Variants in PAK2 observed in about 807,000 individuals in gnomAD.
The protein encoded by PAK2 is serine/threonine-protein kinase PAK 2.
Under a neutral mutation model 65.9 loss-of-function variants are expected in PAK2, and 21 were observed. The observed-to-expected ratio is 0.32, with a 90% confidence interval of 0.23 to 0.46. PAK2 has a LOEUF of 0.46. PAK2 is among the 20% of genes least tolerant of loss of function. The probability of loss-of-function intolerance (pLI) is 1.00; values close to 1 mark genes in which losing one functional copy is unlikely to be tolerated. For missense variants in PAK2, 324 were observed against 642.6 expected (o/e 0.50, Z 5.36); for synonymous variants, 204 against 219.7 (o/e 0.93, Z 0.63).
intron 1 of PAK2, among the ~76,000 whole-genome samples, chr3:196,772,088 T>C (rs979897719): frequency 5.9e-5 from 9 of 152,220 alleles, no homozygotes; most frequent in African/African-American, 2.2e-4. Context: ...CATATCTGTG[T>C]TTTTCAGAGA....
rs1025686221 is a variant in PAK2 at position 196,832,536 on chromosome 3, C to T, written c.*4131C>T. On this transcript the variant is annotated 3_prime_UTR_variant, in exon 15 of 15. Coordinates refer to ENST00000327134, the MANE Select transcript of PAK2 (RefSeq NM_002577.4). ...AACTTTTATTCTTTCTTTTGATCAGCGTAAAAGAATATTTTAATGTCTTTT... is the reference window on the plus strand; with the variant it reads ...AACTTTTATTCTTTCTTTTGATCAGTGTAAAAGAATATTTTAATGTCTTTT... 9 of 151,730 alleles carry T rather than the reference C, an allele frequency of 5.9e-5. No homozygotes were observed. The highest frequency in any genetic ancestry group is 1.9e-4 in the African/African-American group (8 of 41,320). The allele number at this position is 151,730 out of a possible 1,614,324, so 9.4% of individuals were successfully genotyped here.
chr3:196,802,598 A>C (rs983244824), intron 3 of PAK2, among the ~76,000 whole-genome samples: 5 of 152,144 alleles, frequency 3.3e-5, no homozygotes, highest in African/African-American at 1.2e-4. Flanking sequence ...TAATCCCAGC[A>C]CTTTGGGAGG....
intron 1 of PAK2, among the ~76,000 whole-genome samples, chr3:196,740,659 A>G (rs1713160118): frequency 1.3e-5 from 2 of 152,234 alleles, no homozygotes; most frequent in South Asian, 2.1e-4. Context: ...TCCAGCCTGT[A>G]ACCTCTTTTC....
chr3:196,786,736 G>GT (rs1714901220), intron 2 of PAK2, among the ~76,000 whole-genome samples: 1 of 151,886 alleles, frequency 6.6e-6, no homozygotes, highest in African/African-American at 2.4e-5. Flanking sequence ...GTGAGAGTCT[G>GT]TTTCTGTGTT....
chr3:196,797,425 T>C (rs1011705313), intron 2 of PAK2, among the ~76,000 whole-genome samples: 1 of 151,992 alleles, frequency 6.6e-6, no homozygotes, highest in Non-Finnish European at 1.5e-5. Context: ...GTTGCGCCAC[T>C]GCACACCAGC....
intron 2 of PAK2, among the ~76,000 whole-genome samples, chr3:196,795,386 T>G (rs1715224690): frequency 6.6e-6 from 1 of 152,004 alleles, no homozygotes; most frequent in Admixed American, 6.6e-5. Flanking sequence ...GAGGATTGCT[T>G]GAGCCCAGAG....
intron 1 of PAK2, among the ~76,000 whole-genome samples, chr3:196,781,580 C>T (rs1224658125): frequency 6.6e-6 from 1 of 152,204 alleles, no homozygotes. Context: ...CGTCAAGCTC[C>T]TTTGTGATTA....
intron 1 of PAK2, among the ~76,000 whole-genome samples, chr3:196,749,296 G>A (rs1246777622): frequency 6.6e-6 from 1 of 152,006 alleles, no homozygotes; most frequent in Non-Finnish European, 1.5e-5. Flanking sequence ...TGATAATTCT[G>A]TGTTTCATTT....
In PAK2 at chr3:196,762,546, C is replaced by T. The variant is rs149130710; in HGVS notation, c.-21-20080C>T. ...CTCGTCTCCACCAAAACCAGTCAGG[C>T]GTGGCGGCGCATGCCTGCAATCGCA... is the stretch of plus-strand genomic sequence containing the variant. On this transcript the variant is annotated intron_variant, in intron 1 of 14. Coordinates refer to ENST00000327134, the MANE Select transcript of PAK2 (RefSeq NM_002577.4). Among the ~76,000 whole-genome samples the T allele has an allele frequency of 1.9e-3, 291 of 150,362 alleles. 3 individuals carry two copies. Among genetic ancestry groups the T allele is most frequent in the African/African-American group, 6.8e-3 (281 of 41,196 alleles).
At chr3:196,790,915 T>C (rs1164547590) in intron 2 of PAK2, among the ~76,000 whole-genome samples, 1 of 152,236 alleles carries the variant, frequency 6.6e-6, no homozygotes, top group East Asian at 1.9e-4. Flanking sequence ...ACAAGCTCTT[T>C]AGATAAACTA....
Position 196,814,580 on chromosome 3 carries a change from T to A in PAK2, c.1053+12T>A. 1 of 1,025,552 alleles carries A rather than the reference T, an allele frequency of 9.8e-7. No homozygotes were observed. Among genetic ancestry groups the A allele is most frequent in the Non-Finnish European group, 1.5e-6 (1 of 649,742 alleles). 63.5% of individuals were successfully genotyped at this position (1,025,552 alleles called of 1,614,324 possible). A position where few individuals can be genotyped will look rare whatever the true frequency, so the allele number is the denominator to read the frequency against. Reference sequence around the variant, plus strand: ...CTGTATGCAGAGAGGTAGGTTTGCCTCCTTCTTGATATGTTATGGTGATAT... The same window carrying A: ...CTGTATGCAGAGAGGTAGGTTTGCCACCTTCTTGATATGTTATGGTGATAT... On this transcript the variant is annotated intron_variant, in intron 11 of 14. Transcript: ENST00000327134.
intron 11 of PAK2, among the ~76,000 whole-genome samples, chr3:196,815,199 T>TA (rs1715969350): frequency 7.0e-6 from 1 of 143,656 alleles, no homozygotes; most frequent in African/African-American, 2.6e-5. Context: ...GAAAAAGAAA[T>TA]ACACCACTTA....
chr3:196,809,492 C>T (rs113525432), intron 7 of PAK2, among the ~76,000 whole-genome samples: 34 of 149,730 alleles, frequency 2.3e-4, no homozygotes, highest in East Asian at 6.0e-4. Flanking sequence ...TACAGGTGTG[C>T]GCCACCACAC....
chr3:196,798,432 C>G (rs1173366661), intron 2 of PAK2, among the ~76,000 whole-genome samples: 1 of 151,956 alleles, frequency 6.6e-6, no homozygotes, highest in East Asian at 1.9e-4. Context: ...CAACTGCCAC[C>G]TCCCAGGTTC....
intron 7 of PAK2, among the ~76,000 whole-genome samples, chr3:196,808,632 A>G (rs112256207): frequency 8.6e-5 from 13 of 150,646 alleles, no homozygotes; most frequent in African/African-American, 3.2e-4. Context: ...TGGGAGACCA[A>G]GGTGGGTGGA....
chr3:196,809,109 C>T (rs868094709), intron 7 of PAK2, among the ~76,000 whole-genome samples: 10 of 150,844 alleles, frequency 6.6e-5, no homozygotes, highest in African/African-American at 1.2e-4. Context: ...TTAACGAGAC[C>T]TGGTGGTGCA....
intron 13 of PAK2, among the ~76,000 whole-genome samples, chr3:196,825,269 C>T (rs1711810863): frequency 3.3e-5 from 5 of 151,900 alleles, no homozygotes; most frequent in East Asian, 3.9e-4. Context: ...TTGCTGGAAC[C>T]CGGGAGGCAG....
intron 2 of PAK2, among the ~76,000 whole-genome samples, chr3:196,798,346 T>C (rs1156279291): frequency 8.7e-6 from 1 of 114,378 alleles, no homozygotes; most frequent in East Asian, 3.7e-4. Context: ...TTTTTTCTTT[T>C]CTCTTTTTTT....
At chr3:196,822,387 C>T in intron 13 of PAK2, among the ~76,000 whole-genome samples, 1 of 152,154 alleles carries the variant, frequency 6.6e-6, no homozygotes, top group East Asian at 1.9e-4. Flanking sequence ...AGGGTGTTTA[C>T]TTTCAAAAGG....
Sources: allele counts gnomAD v4.1 joint callset (sites outside exome capture counted in the v4.1 genomes callset), GRCh38; gene constraint gnomAD v4.1.1; transcripts MANE v1.5; gene names NCBI Gene and HGNC (gene_info 2026-07-23, HGNC 2026-07-21).